Variants in HK2 observed in about 807,000 individuals in gnomAD.
HK2 encodes hexokinase-2.
A neutral mutation model predicts 92.9 loss-of-function variants in HK2; 42 were observed. The observed-to-expected ratio is 0.45, with a 90% CI of 0.35 to 0.58. The LOEUF is 0.58. HK2 is among the 20% of genes least tolerant of loss of function. The pLI, the probability that HK2 is intolerant of heterozygous loss-of-function variation, is 0.00. For missense variants in HK2, 978 were observed against 1,245.1 expected, an observed-to-expected ratio of 0.79 and a Z score of 3.23; for synonymous variants, 422 against 468.0, an observed-to-expected ratio of 0.90 and a Z score of 1.27.
chr2:74,865,463 G>A (rs909553468), intron 2 of HK2, among the ~76,000 whole-genome samples: 2 of 152,066 alleles, frequency 1.3e-5, no homozygotes, highest in African/African-American at 4.8e-5. Flanking sequence ...ACTTGAGAGT[G>A]CTGATGAGGC....
At chr2:74,863,631 C>T (rs534824619) in intron 2 of HK2, among the ~76,000 whole-genome samples, 4 of 152,260 alleles carry the variant, frequency 2.6e-5, no homozygotes, top group East Asian at 3.9e-4. Context: ...TGTATCTTTT[C>T]GGTCCTCGTT....
intron 3 of HK2, among the ~76,000 whole-genome samples, chr2:74,868,683 T>C (rs563888777): frequency 4.6e-5 from 7 of 152,316 alleles, no homozygotes; most frequent in Non-Finnish European, 8.8e-5. Flanking sequence ...TTTCTTCCCG[T>C]TGCCTCGATC....
At chr2:74,849,307 A>T (rs753506871) in intron 1 of HK2, among the ~76,000 whole-genome samples, 1 of 152,206 alleles carries the variant, frequency 6.6e-6, no homozygotes, top group Non-Finnish European at 1.5e-5. Context: ...CTGGTATGTT[A>T]TGGGAAAAAC....
chr2:74,841,546 G>T (rs1461436787), intron 1 of HK2, among the ~76,000 whole-genome samples: 1 of 152,174 alleles, frequency 6.6e-6, no homozygotes, highest in Non-Finnish European at 1.5e-5. Context: ...TCAGAGCCCT[G>T]AGTTGTCAAC....
chr2:74,876,544 T>C (rs1218746476), intron 7 of HK2, among the ~76,000 whole-genome samples: 2 of 152,220 alleles, frequency 1.3e-5, no homozygotes, highest in Admixed American at 6.5e-5. Flanking sequence ...TCTTGTCACC[T>C]GCCTGCTTAG....
chr2:74,836,747 G>T (rs1476209620), intron 1 of HK2, among the ~76,000 whole-genome samples: 1 of 152,238 alleles, frequency 6.6e-6, no homozygotes, highest in Non-Finnish European at 1.5e-5. Flanking sequence ...TACATAGAAA[G>T]CAGAGACTCA....
At chr2:74,889,805 T>C (rs531742556) in intron 17 of HK2, among the ~76,000 whole-genome samples, 3 of 152,344 alleles carry the variant, frequency 2.0e-5, no homozygotes, top group East Asian at 1.9e-4. Flanking sequence ...GTTTTACTTA[T>C]TTTTGAACTT....
chr2:74,844,397 A>T (rs1412644063), intron 1 of HK2, among the ~76,000 whole-genome samples: 8 of 152,174 alleles, frequency 5.3e-5, no homozygotes. Flanking sequence ...AGCTGTATCT[A>T]GGGGGATGCC....
intron 9 of HK2, among the ~76,000 whole-genome samples, chr2:74,879,665 C>T (rs574944466): frequency 1.3e-5 from 2 of 152,316 alleles, no homozygotes. Flanking sequence ...TACTCCTGCA[C>T]TTGGAGTAGG....
chr2:74,860,181 G>A (rs1688791346), intron 2 of HK2, among the ~76,000 whole-genome samples: 1 of 148,412 alleles, frequency 6.7e-6, no homozygotes. Context: ...GGGTAGGAGG[G>A]TGGGGGGCAT....
In HK2 at chr2:74,883,424, A is replaced by C; in HGVS notation, c.1839+1185A>C. ...AAGTCAGAAGAATGAGTTGATGGGA[A>C]AGAAAGGTGAGCAGGCTGCCCATTG... On this transcript the variant is annotated intron_variant, in intron 12 of 17. Transcript: ENST00000290573. Among the ~76,000 whole-genome samples, 2 of 152,174 alleles carry C rather than the reference A, an allele frequency of 1.3e-5. 1 individual carries two copies. The highest frequency in any genetic ancestry group is 2.9e-5 in the Non-Finnish European group (2 of 68,024).
Position 74,886,756 on chromosome 2 carries a change from C to T in HK2, c.2219+83C>T, listed in dbSNP as rs1311511883. 4 of 1,389,248 alleles carry T rather than the reference C, an allele frequency of 2.9e-6. No homozygotes were observed. The African/African-American group carries it at 4.2e-5, about 15-fold the overall frequency. The allele number at this position is 1,389,248 out of a possible 1,614,324, so 86.1% of individuals were successfully genotyped here. A position where few individuals can be genotyped will look rare whatever the true frequency, so the allele number is the denominator to read the frequency against. On this transcript the variant is annotated intron_variant, in intron 15 of 17. Coordinates refer to ENST00000290573, the MANE Select transcript of HK2 (RefSeq NM_000189.5). ...ATCAGAGCTTCCACAATGGCATCTC[C>T]CAGGACGCCGGTTCTCGTGAGATGT... is the stretch of plus-strand genomic sequence containing the variant.
At chr2:74,854,597 G>C in intron 2 of HK2, 142 bp downstream of exon 2, 2 of 909,296 alleles carry the variant, frequency 2.2e-6, no homozygotes, top group South Asian at 2.8e-5. Context: ...ATGGAAGGCT[G>C]TGTGACGGAT....
rs1688117964 is a variant in HK2 at position 74,834,956 on chromosome 2, T to C, written c.63+313T>C. Among the ~76,000 whole-genome samples the C allele has an allele frequency of 6.6e-6, 1 of 152,054 alleles. No individual in the cohort carries two copies. Among genetic ancestry groups the C allele is most frequent in the Admixed American group, 6.5e-5 (1 of 15,280 alleles). On this transcript the variant is annotated intron_variant, in intron 1 of 17. Transcript: ENST00000290573. This position sits in a 1 kb window ranked among gnomAD's most constrained non-coding sequence, Gnocchi z 4.2. The stretch of plus-strand genomic sequence containing the variant: ...CTGGAGGGGCGGGTCACCCCGCAGG[T>C]AGTCAGGGATTGCTGCGCCCACGTG...
At chr2:74,842,916 C>G (rs1408286976) in intron 1 of HK2, among the ~76,000 whole-genome samples, 1 of 152,240 alleles carries the variant, frequency 6.6e-6, no homozygotes. Flanking sequence ...TTTCCCTAAC[C>G]TCTGTCTCCC....
At chr2:74,854,669 C>T (rs1297442165) in intron 2 of HK2, among the ~76,000 whole-genome samples, 1 of 152,186 alleles carries the variant, frequency 6.6e-6, no homozygotes, top group South Asian at 2.1e-4. Flanking sequence ...CTTTGTCAGC[C>T]CTACTGTGGC....
Position 74,874,262 on chromosome 2 carries a change from G to A in HK2, c.692-4G>A, listed in dbSNP as rs754348299. Reference sequence around the variant, plus strand: ...GTGTGCATAGCCGTCCCTTGTTTTGGCAGGCACGGGCAGCAACGCCTGCTA... The same window carrying A: ...GTGTGCATAGCCGTCCCTTGTTTTGACAGGCACGGGCAGCAACGCCTGCTA... On this transcript the variant is annotated splice_region_variant and splice_polypyrimidine_tract_variant and intron_variant, in intron 6 of 17. Transcript: ENST00000290573. 6.2e-7 allele frequency: 1 copy of A among 1,614,066 alleles called. No individual in the cohort carries two copies. The highest frequency in any genetic ancestry group is 8.5e-7 in the Non-Finnish European group (1 of 1,180,038).
At chr2:74,849,833 A>G (rs1688525126) in intron 1 of HK2, among the ~76,000 whole-genome samples, 1 of 152,222 alleles carries the variant, frequency 6.6e-6, no homozygotes, top group Non-Finnish European at 1.5e-5. Flanking sequence ...AATGTCGCAC[A>G]CCTGTACGAA....
chr2:74,845,101 C>T (rs546038595), intron 1 of HK2, among the ~76,000 whole-genome samples: 18 of 152,312 alleles, frequency 1.2e-4, no homozygotes, highest in Admixed American at 3.3e-4. Context: ...TCAAGACAAA[C>T]ACTCCTCAGA....
Sources: allele counts gnomAD v4.1 joint callset (sites outside exome capture counted in the v4.1 genomes callset), GRCh38; gene constraint gnomAD v4.1.1; non-coding constraint Gnocchi (gnomAD v3.1); transcripts MANE v1.5; gene names NCBI Gene and HGNC (gene_info 2026-07-23, HGNC 2026-07-21).